The following MREG variants were observed in gnomAD, a reference collection of about 807,000 sequenced individuals.
MREG encodes melanoregulin.
MREG carries 31 observed loss-of-function variants against 28.5 expected under a neutral mutation model. That is an observed-to-expected ratio of 1.09 (90% CI 0.82 to 1.47). The LOEUF is 1.47. Among genes scored for constraint, MREG ranks in the 40% most tolerant of loss-of-function variants. The probability of loss-of-function intolerance (pLI) is 0.00; values close to 1 mark genes in which losing one functional copy is unlikely to be tolerated. For synonymous variants in MREG, 106 were observed against 95.2 expected (o/e 1.11, Z -0.66); for missense variants, 256 against 257.4 (o/e 0.99, Z 0.04).
chr2:216,002,106 T>G (rs1200559187), intron 1 of MREG, among the ~76,000 whole-genome samples: 3 of 152,202 alleles, frequency 2.0e-5, no homozygotes, highest in Non-Finnish European at 4.4e-5. Flanking sequence ...GGCCACCACC[T>G]GCTGATGATA....
intron 1 of MREG, among the ~76,000 whole-genome samples, chr2:216,020,550 T>A (rs1694504881): frequency 6.6e-6 from 1 of 152,144 alleles, no homozygotes; most frequent in South Asian, 2.1e-4. Context: ...GGTTCTAGTC[T>A]CATGCACACC....
chr2:215,947,042 C>T lies in MREG; in HGVS notation c.327G>A (p.Lys109=), dbSNP rs746079832. 10 of 1,605,918 alleles carry T rather than the reference C, an allele frequency of 6.2e-6. No individual in the cohort carries two copies. Among genetic ancestry groups the T allele is most frequent in the Non-Finnish European group, 8.5e-6 (10 of 1,172,960 alleles). ...QVRREVRNRW[K]CILEDLGFQK... ...ACTTACCTAAATCTTCTAAGATGCA[C>T]TTCCATCTGTTTCTTACTTCCCTTC... is the stretch of plus-strand genomic sequence containing the variant. The change falls in exon 3 of 5, where the codon AAG becomes AAA. Residue 109 remains lysine, a synonymous_variant. Transcript: ENST00000263268.
intron 1 of MREG, among the ~76,000 whole-genome samples, chr2:216,031,520 G>GA: frequency 7.2e-6 from 1 of 138,340 alleles, no homozygotes; most frequent in Non-Finnish European, 1.6e-5. Flanking sequence ...AGGAAGGAAG[G>GA]GAAAAGAAAA....
At chr2:216,004,033 G>T (rs553772290) in intron 1 of MREG, among the ~76,000 whole-genome samples, 10 of 152,258 alleles carry the variant, frequency 6.6e-5, no homozygotes, top group Middle Eastern at 3.4e-3. Flanking sequence ...TCCTGCAGTG[G>T]TCCCCAGGCC....
intron 2 of MREG, among the ~76,000 whole-genome samples, chr2:215,964,672 T>C (rs1692887972): frequency 6.6e-6 from 1 of 152,208 alleles, no homozygotes; most frequent in Non-Finnish European, 1.5e-5. Flanking sequence ...AATGAAATTG[T>C]CCAGTGCTGG....
In MREG at chr2:215,947,072, C is replaced by G. The variant is rs1186886551; in HGVS notation, c.297G>C (p.Gln99His). The G allele has an allele frequency of 5.0e-6, 8 of 1,613,358 alleles. No individual in the cohort carries two copies. The highest frequency in any genetic ancestry group is 5.1e-6 in the Non-Finnish European group (6 of 1,179,446). The change falls in exon 3 of 5, where the codon CAG (glutamine) becomes CAC (histidine). Residue 99 changes from glutamine to histidine, a missense_variant. Transcript: ENST00000263268. ...KLNYDIHTLRQVRREVRNRWK... is the reference protein window; with the variant it reads ...KLNYDIHTLRHVRREVRNRWK... ...ATCTGTTTCTTACTTCCCTTCGAACCTGCCGCAGGGTATGGATATCATAGT... is the reference window on the plus strand; with the variant it reads ...ATCTGTTTCTTACTTCCCTTCGAACGTGCCGCAGGGTATGGATATCATAGT...
At chr2:216,002,326 G>T (rs373005450) in intron 1 of MREG, among the ~76,000 whole-genome samples, 1 of 152,206 alleles carries the variant, frequency 6.6e-6, no homozygotes, top group African/African-American at 2.4e-5. Context: ...TGGCTGCAAA[G>T]TGCTAGTCAG....
upstream of MREG, among the ~76,000 whole-genome samples, chr2:216,017,648 T>C (rs773936589): frequency 2.6e-5 from 4 of 152,170 alleles, no homozygotes; most frequent in Non-Finnish European, 5.9e-5. Context: ...TCCCCTGCCA[T>C]CAGTGACTCA....
intron 1 of MREG, among the ~76,000 whole-genome samples, chr2:216,023,532 A>G (rs1362619359): frequency 6.6e-6 from 1 of 152,204 alleles, no homozygotes; most frequent in Non-Finnish European, 1.5e-5. Context: ...ATTTCATTTC[A>G]TCTTATTAAG....
At chr2:215,949,026 A>AACCC (rs1692393163) in intron 2 of MREG, among the ~76,000 whole-genome samples, 1 of 148,126 alleles carries the variant, frequency 6.8e-6, no homozygotes, top group African/African-American at 2.5e-5. Context: ...AGCATGGCAA[A>AACCC]ACCCTGTCTC....
At position 215,952,273 on chromosome 2, in the gene MREG, T is replaced by C. The variant is rs538061827; in HGVS notation, c.256-5160A>G. Among the ~76,000 whole-genome samples, 7 of 152,304 alleles carry C rather than the reference T, an allele frequency of 4.6e-5. No homozygotes were observed. In the East Asian group the frequency reaches 1.3e-3, roughly 29 times the overall value. On this transcript the variant is annotated intron_variant, in intron 2 of 4. Transcript: ENST00000263268. ...CCCCATAGTGTATATATGGTGACTA[T>C]AGTTAATAATACTGTATTGCTTACT...
At chr2:215,949,312 C>A (rs1293746705) in intron 2 of MREG, among the ~76,000 whole-genome samples, 2 of 150,846 alleles carry the variant, frequency 1.3e-5, no homozygotes, top group Non-Finnish European at 2.9e-5. Flanking sequence ...ATAATCCCAG[C>A]ACTTTGGGAG....
At chr2:215,981,474 A>C (rs1693427270) in intron 2 of MREG, among the ~76,000 whole-genome samples, 1 of 152,212 alleles carries the variant, frequency 6.6e-6, no homozygotes, top group African/African-American at 2.4e-5. Context: ...TAGAGAAAGA[A>C]AGTAGAAAGT....
intron 2 of MREG, among the ~76,000 whole-genome samples, chr2:215,948,454 T>C (rs978124532): frequency 6.6e-6 from 1 of 152,212 alleles, no homozygotes; most frequent in Non-Finnish European, 1.5e-5. Context: ...GTGATTGGGG[T>C]CAGGGACAAA....
chr2:215,990,493 G>T (rs995324294), intron 2 of MREG, among the ~76,000 whole-genome samples: 3 of 151,966 alleles, frequency 2.0e-5, no homozygotes, highest in African/African-American at 7.3e-5. Flanking sequence ...TCAACTAACG[G>T]GAAAAATAAC....
rs777419337 is a variant in MREG at position 216,031,669 on chromosome 2, AAG to A, written c.-68+1118_-68+1119del. ...AAGAAAAGAAAGAAAGAAAGAAAGA[AAG>A]AAAGAAAGAAAGAAAGAAAGAGAAA... On this transcript the variant is annotated intron_variant, in intron 1 of 3. Transcript: ENST00000420348. Among the ~76,000 whole-genome samples, 313 of 81,412 alleles carry A rather than the reference AAG, an allele frequency of 3.8e-3. 1 individual carries two copies. The highest frequency in any genetic ancestry group is 5.7e-3 in the South Asian group (15 of 2,650). 53.4% of individuals were successfully genotyped at this position (81,412 alleles called of 152,430 possible).
chr2:216,001,037 G>A (rs923970702), intron 1 of MREG, among the ~76,000 whole-genome samples: 1 of 151,200 alleles, frequency 6.6e-6, no homozygotes, highest in Non-Finnish European at 1.5e-5. Flanking sequence ...TCTCTTTCCT[G>A]TCTCTTGCTC....
intron 2 of MREG, among the ~76,000 whole-genome samples, chr2:215,990,495 A>C (rs187061296): frequency 9.8e-4 from 150 of 152,324 alleles, no homozygotes; most frequent in Non-Finnish European, 1.5e-3. Context: ...AACTAACGGG[A>C]AAAATAACCA....
In MREG at chr2:215,995,147, C is replaced by T. The variant is rs144962469; in HGVS notation, c.255+1159G>A. 1.0e-3 allele frequency among the ~76,000 whole-genome samples: 154 copies of T among 152,268 alleles called. 1 individual carries two copies. The highest frequency in any genetic ancestry group is 3.5e-3 in the African/African-American group (147 of 41,558). On this transcript the variant is annotated intron_variant, in intron 2 of 4. Coordinates refer to ENST00000263268, the MANE Select transcript of MREG (RefSeq NM_018000.3). ...TGGCAGCAGCAGGATTTATGACTTG[C>T]CTTCAGCATTGCCCATCACAGAGGG... is the stretch of plus-strand genomic sequence containing the variant.
Sources: gnomAD v4.1 joint callset for allele counts (sites outside exome capture counted in the v4.1 genomes callset) on GRCh38, gnomAD v4.1.1 for gene constraint, MANE v1.5 for transcripts, NCBI Gene and HGNC (gene_info 2026-07-23, HGNC 2026-07-21) for gene names.